KCND2: variants seen among roughly 807,000 people sequenced by gnomAD.
KCND2 encodes the protein A-type voltage-gated potassium channel KCND2.
KCND2 carries 16 observed loss-of-function variants against 54.4 expected under a neutral mutation model. The ratio of observed to expected loss-of-function variants is 0.29; its 90% CI spans 0.20 to 0.45. The LOEUF (loss-of-function observed/expected upper bound fraction) is 0.45, where lower values mean the gene tolerates loss of function less well. Among genes scored for constraint, KCND2 ranks in the 20% least tolerant of loss-of-function variants. KCND2 has a pLI of 1.00. For missense variants in KCND2, 486 were observed against 824.2 expected (o/e 0.59, Z 5.02); for synonymous variants, 317 against 310.7 (o/e 1.02, Z -0.21).
At chr7:120,509,631 T>C (rs1803081705) in intron 1 of KCND2, among the ~76,000 whole-genome samples, 1 of 152,068 alleles carries the variant, frequency 6.6e-6, no homozygotes, top group East Asian at 1.9e-4. Context: ...TTGTTGTTGA[T>C]TTTGACATTT....
intron 2 of KCND2, among the ~76,000 whole-genome samples, chr7:120,740,682 C>T (rs1792928825): frequency 6.6e-6 from 1 of 152,072 alleles, no homozygotes; most frequent in Admixed American, 6.6e-5. Context: ...CTTAAAGGAA[C>T]AATTGAACTG....
At chr7:120,537,509 C>G (rs1370640840) in intron 1 of KCND2, among the ~76,000 whole-genome samples, 4 of 152,220 alleles carry the variant, frequency 2.6e-5, no homozygotes, top group Non-Finnish European at 5.9e-5. Flanking sequence ...TGAAGACTTG[C>G]TGCTAGACAT....
At chr7:120,386,041 A>ATTTTTCT (rs1800983236) in intron 1 of KCND2, among the ~76,000 whole-genome samples, 2 of 152,106 alleles carry the variant, frequency 1.3e-5, no homozygotes, top group African/African-American at 4.8e-5. Context: ...ATTCTGTGCA[A>ATTTTTCT]GGCTCACCTT....
intron 1 of KCND2, among the ~76,000 whole-genome samples, chr7:120,567,249 A>G (rs1446857642): frequency 6.6e-6 from 1 of 152,160 alleles, no homozygotes; most frequent in African/African-American, 2.4e-5. Flanking sequence ...TATAAATATT[A>G]CCATACTTCC....
chr7:120,399,683 A>G lies in KCND2; in HGVS notation c.1115+123936A>G, dbSNP rs551735337. ...TATATTTATCCAATAATTTAACCCT[A>G]GCTAATTTTATTTTTACCTTATTTA... On this transcript the variant is annotated intron_variant, in intron 1 of 5. Transcript: ENST00000331113. 7.3e-5 allele frequency among the ~76,000 whole-genome samples: 11 copies of G among 150,966 alleles called. No homozygotes were observed. In the South Asian group the frequency reaches 2.1e-3, roughly 29 times the overall value.
intron 1 of KCND2, among the ~76,000 whole-genome samples, chr7:120,434,984 G>A (rs892580234): frequency 6.6e-6 from 1 of 151,924 alleles, no homozygotes; most frequent in Non-Finnish European, 1.5e-5. Flanking sequence ...AAGAATAATG[G>A]TATATTTTCA....
intron 1 of KCND2, among the ~76,000 whole-genome samples, chr7:120,585,691 G>C (rs1792589311): frequency 6.6e-6 from 1 of 152,106 alleles, no homozygotes; most frequent in Non-Finnish European, 1.5e-5. Flanking sequence ...AGGAAGCAGG[G>C]AAGGGAATCA....
chr7:120,548,820 A>G (rs577517926), intron 1 of KCND2, among the ~76,000 whole-genome samples: 33 of 152,236 alleles, frequency 2.2e-4, no homozygotes, highest in African/African-American at 6.5e-4. Context: ...TGGCGTATCC[A>G]TGGCTGATGA....
At chr7:120,497,951 A>C (rs1284648285) in intron 1 of KCND2, among the ~76,000 whole-genome samples, 1 of 152,146 alleles carries the variant, frequency 6.6e-6, no homozygotes, top group Non-Finnish European at 1.5e-5. Context: ...GTACGCATTA[A>C]AATAAAGTAT....
At chr7:120,638,595 T>C (rs1424223554) in intron 1 of KCND2, among the ~76,000 whole-genome samples, 3 of 152,090 alleles carry the variant, frequency 2.0e-5, no homozygotes, top group Non-Finnish European at 2.9e-5. Context: ...AATATGATAT[T>C]AGCCCTAAGG....
chr7:120,449,090 G>A (rs1802061812), intron 1 of KCND2, among the ~76,000 whole-genome samples: 1 of 152,120 alleles, frequency 6.6e-6, no homozygotes, highest in African/African-American at 2.4e-5. Context: ...AGCACTTTGG[G>A]AGGCCGAGGT....
chr7:120,714,476 T>C (rs1034553852), intron 1 of KCND2, among the ~76,000 whole-genome samples: 1 of 152,126 alleles, frequency 6.6e-6, no homozygotes, highest in African/African-American at 2.4e-5. Flanking sequence ...TTTGCAAATA[T>C]CTCTCCACAG....
chr7:120,328,714 T>G (rs1229432398), intron 1 of KCND2, among the ~76,000 whole-genome samples: 2 of 152,200 alleles, frequency 1.3e-5, no homozygotes, highest in African/African-American at 2.4e-5. Context: ...TCTTTACATT[T>G]TCTTCTTATC....
At chr7:120,484,546 G>A (rs1286857057) in intron 1 of KCND2, among the ~76,000 whole-genome samples, 3 of 150,710 alleles carry the variant, frequency 2.0e-5, no homozygotes, top group Non-Finnish European at 4.4e-5. Flanking sequence ...TATATCTATG[G>A]CCCCTCATTT....
intron 1 of KCND2, among the ~76,000 whole-genome samples, chr7:120,599,919 A>C (rs989227175): frequency 1.3e-5 from 2 of 151,664 alleles, no homozygotes; most frequent in African/African-American, 4.8e-5. Flanking sequence ...TATGATGTTG[A>C]CTCTAAGTTT....
At chr7:120,708,220 T>C (rs1420215398) in intron 1 of KCND2, among the ~76,000 whole-genome samples, 1 of 152,160 alleles carries the variant, frequency 6.6e-6, no homozygotes, top group African/African-American at 2.4e-5. Flanking sequence ...TTCTTTGAAA[T>C]GCTGTTGTAT....
chr7:120,515,930 A>G (rs140500687), intron 1 of KCND2, among the ~76,000 whole-genome samples: 2 of 152,250 alleles, frequency 1.3e-5, no homozygotes, highest in South Asian at 2.1e-4. Flanking sequence ...AACAAAGTAT[A>G]GGAGGGTAGA....
intron 1 of KCND2, among the ~76,000 whole-genome samples, chr7:120,594,920 G>A (rs756905643): frequency 6.6e-5 from 10 of 151,418 alleles, no homozygotes; most frequent in African/African-American, 1.5e-4. Context: ...CTCAGGAGGC[G>A]GAGGCAGGAG....
At chr7:120,577,926 C>T (rs1792458232) in intron 1 of KCND2, among the ~76,000 whole-genome samples, 1 of 151,992 alleles carries the variant, frequency 6.6e-6, no homozygotes, top group Non-Finnish European at 1.5e-5. Context: ...TTTGGCCAGG[C>T]ATGGCAGTTC....
Sources: allele counts gnomAD v4.1 joint callset (sites outside exome capture counted in the v4.1 genomes callset), GRCh38; gene constraint gnomAD v4.1.1; transcripts MANE v1.5; gene names NCBI Gene and HGNC (gene_info 2026-07-23, HGNC 2026-07-21).